Variants in ADCY6 observed in about 807,000 individuals in gnomAD.
ADCY6 encodes adenylate cyclase 6.
A neutral mutation model predicts 111.6 loss-of-function variants in ADCY6; 59 were observed. That is an observed-to-expected ratio of 0.53 (90% confidence interval 0.43 to 0.66). The LOEUF (loss-of-function observed/expected upper bound fraction) is 0.66. ADCY6 is among the 30% of genes least tolerant of loss of function. The pLI, the probability that ADCY6 is intolerant of heterozygous loss-of-function variation, is 0.00. For missense variants in ADCY6, 1,242 were observed against 1,595.6 expected, an observed-to-expected ratio of 0.78 and a Z score of 3.78; for synonymous variants, 576 against 642.9, an observed-to-expected ratio of 0.90 and a Z score of 1.57.
intron 2 of ADCY6, 133 bp from the exon 3 acceptor site, chr12:48,778,390 C>T: frequency 2.9e-6 from 3 of 1,050,056 alleles, no homozygotes; most frequent in Non-Finnish European, 4.2e-6. Context: ...TGTCCCCAAG[C>T]CACTGCCACC....
chr12:48,785,271 A>C (rs1033617461), intron 1 of ADCY6, among the ~76,000 whole-genome samples: 3 of 152,160 alleles, frequency 2.0e-5, no homozygotes, highest in Admixed American at 6.6e-5. Context: ...GAAGGCAAGG[A>C]TTTTGACCTG....
intron 11 of ADCY6, 103 bp from the exon 12 acceptor site, chr12:48,775,157 T>A (rs1941662302): frequency 2.1e-6 from 3 of 1,444,070 alleles, no homozygotes; most frequent in South Asian, 1.2e-5. Flanking sequence ...GGAGATGCAG[T>A]TGGCTCAACT....
intron 20 of ADCY6, among the ~76,000 whole-genome samples, chr12:48,769,638 G>A (rs1941474019): frequency 1.3e-5 from 2 of 149,798 alleles, no homozygotes; most frequent in South Asian, 4.2e-4. Context: ...CCAGGATGGA[G>A]TGCAGTGGCA....
rs1481636715 is a variant in ADCY6 at position 48,774,110 on chromosome 12, G to A, written c.2284-12C>T. 1 of 1,602,192 alleles carries A rather than the reference G, an allele frequency of 6.2e-7. No homozygotes were observed. ...TGGTTACAGGTGAACTGCAAAAGTGGAGGGGTATATCAGGGTAACCAAGGA... is the reference window on the plus strand; with the variant it reads ...TGGTTACAGGTGAACTGCAAAAGTGAAGGGGTATATCAGGGTAACCAAGGA... On this transcript the variant is annotated splice_polypyrimidine_tract_variant and intron_variant, in intron 14 of 21. Transcript: ENST00000357869.
At position 48,771,140 on chromosome 12, in the gene ADCY6, C is replaced by G. The variant is rs916601605; in HGVS notation, c.3052-170G>C. 3.8e-5 allele frequency: 25 copies of G among 663,844 alleles called. No individual in the cohort carries two copies. Among genetic ancestry groups the G allele is most frequent in the African/African-American group, 1.1e-4 (6 of 55,114 alleles). The allele number at this position is 663,844 out of a possible 1,614,324, so 41.1% of individuals were successfully genotyped here. A position where few individuals can be genotyped will look rare whatever the true frequency, so the allele number is the denominator to read the frequency against. Reference sequence around the variant, plus strand: ...ACTGAGGAGCTGGGAAAACAGGCAGCCTAGGACTCCAGGCAGGACTTGGGC... The same window carrying G: ...ACTGAGGAGCTGGGAAAACAGGCAGGCTAGGACTCCAGGCAGGACTTGGGC... On this transcript the variant is annotated intron_variant, in intron 19 of 21. Transcript: ENST00000357869. This position sits in a 1 kb window ranked among gnomAD's most constrained non-coding sequence, Gnocchi z 4.3.
In ADCY6 at chr12:48,773,461, A is replaced by T. The variant is rs749716165; in HGVS notation, c.2621+8T>A. The T allele has an allele frequency of 1.4e-5, 22 of 1,613,010 alleles. No individual in the cohort carries two copies. In the Admixed American group the frequency reaches 3.7e-4, roughly 27 times the overall value. On this transcript the variant is annotated splice_region_variant and intron_variant, in intron 16 of 21. Transcript: ENST00000357869. Reference sequence around the variant, plus strand: ...CTGGGGTATTAAAGGACCTGAGAATAAACTCACAAGCCATGGACGCCAAGC... The same window carrying T: ...CTGGGGTATTAAAGGACCTGAGAATTAACTCACAAGCCATGGACGCCAAGC...
chr12:48,770,280 A>G (rs1407430001), intron 20 of ADCY6, among the ~76,000 whole-genome samples: 1 of 152,152 alleles, frequency 6.6e-6, no homozygotes, highest in Non-Finnish European at 1.5e-5. Context: ...TGAAGCTTAG[A>G]GAAGTTAGAA....
At chr12:48,775,848 C>A in intron 9 of ADCY6, 115 bp downstream of exon 9, 1 of 1,520,696 alleles carries the variant, frequency 6.6e-7, no homozygotes, top group Non-Finnish European at 8.9e-7. Flanking sequence ...CTCACTGCCC[C>A]AATACCAGAA....
In ADCY6 at chr12:48,776,953, G is replaced by A. The variant is rs553555618; in HGVS notation, c.1376+151C>T. 2.2e-4 allele frequency: 282 copies of A among 1,280,792 alleles called. 6 individuals are homozygous for A. In the South Asian group the frequency reaches 3.1e-3, roughly 14 times the overall value. The allele number at this position is 1,280,792 out of a possible 1,614,324, so 79.3% of individuals were successfully genotyped here. A position where few individuals can be genotyped will look rare whatever the true frequency, so the allele number is the denominator to read the frequency against. Reference sequence around the variant, plus strand: ...AGGGGTCCGCATGGGTCTTTGCACAGGTTGGAGAAAGATTCCCCTTCCCAG... The same window carrying A: ...AGGGGTCCGCATGGGTCTTTGCACAAGTTGGAGAAAGATTCCCCTTCCCAG... On this transcript the variant is annotated intron_variant, in intron 6 of 21. Transcript: ENST00000357869. The surrounding 1 kb of genome is among the most constrained non-coding windows in gnomAD (Gnocchi z 6.1).
chr12:48,777,622 T>C lies in ADCY6; in HGVS notation c.1129A>G (p.Asn377Asp). The change falls in exon 4 of 22, where the codon AAT becomes GAT. Residue 377 changes from asparagine (N) to aspartate (D), a missense_variant. Coordinates refer to ENST00000357869, the MANE Select transcript of ADCY6 (RefSeq NM_015270.5). The surrounding 1 kb of genome is among the most constrained non-coding windows in gnomAD (Gnocchi z 4.9). ...CTCCTACCCTCACCCTACCTGACAT[T>C]GTCATGCTTCTGTATGTAGATCTTG... ...FHKIYIQKHD[N>D]VSILFADIEG... The C allele has an allele frequency of 6.8e-6, 11 of 1,613,368 alleles. No individual in the cohort carries two copies. The highest frequency in any genetic ancestry group is 9.3e-6 in the Non-Finnish European group (11 of 1,180,028).
intron 12 of ADCY6, 42 bp from the exon 13 acceptor site, chr12:48,774,820 G>T (rs373134274): frequency 1.3e-6 from 2 of 1,592,432 alleles, no homozygotes; most frequent in Non-Finnish European, 1.7e-6. Context: ...AATTCTGGAA[G>T]ATCTGGGCAT....
intron 1 of ADCY6, among the ~76,000 whole-genome samples, chr12:48,785,659 T>C (rs184991809): frequency 6.7e-4 from 102 of 152,292 alleles, no homozygotes; most frequent in Non-Finnish European, 1.3e-3. Flanking sequence ...ATTGAGTAGA[T>C]GGATGACTGG....
In ADCY6 at chr12:48,767,333, A is replaced by C. The variant is rs1941402869; in HGVS notation, c.*1258T>G. 6.6e-6 allele frequency: 1 copy of C among 151,328 alleles called. No individual in the cohort carries two copies. Among genetic ancestry groups the C allele is most frequent in the Admixed American group, 6.6e-5 (1 of 15,106 alleles). 9.4% of individuals were successfully genotyped at this position (151,328 alleles called of 1,614,324 possible). ...CACTTAGGGATTTGGCACAAAAAGG[A>C]CTCCTCTCCCTCCTTTTGCTACCAC... On this transcript the variant is annotated 3_prime_UTR_variant, in exon 22 of 22. Coordinates refer to ENST00000357869, the MANE Select transcript of ADCY6 (RefSeq NM_015270.5).
chr12:48,782,744 CT>C lies in ADCY6; in HGVS notation c.690del (p.Asp231ThrfsTer42), dbSNP rs1941878473. The C allele has an allele frequency of 6.2e-7, 1 of 1,606,178 alleles. No individual in the cohort carries two copies. The highest frequency in any genetic ancestry group is 8.5e-7 in the Non-Finnish European group (1 of 1,176,330). On this transcript the variant is annotated frameshift_variant, in exon 2 of 22. Coordinates refer to ENST00000357869, the MANE Select transcript of ADCY6 (RefSeq NM_015270.5). LOFTEE classifies it high-confidence loss of function. This position sits in a 1 kb window ranked among gnomAD's most constrained non-coding sequence, Gnocchi z 4.3. ...AGGCCCGCAGAGGGGCTGCGCGGGTCTGCTGCGAGAGCGCCCCCGACCTGCA... is the reference window on the plus strand; with the variant it reads ...AGGCCCGCAGAGGGGCTGCGCGGGTCGCTGCGAGAGCGCCCCCGACCTGCA... ...AAVQVGGALA[A>X]DPRSPSAGLW...
In ADCY6 at chr12:48,775,446, C is replaced by A; in HGVS notation, c.1837G>T (p.Gly613Cys). Reference sequence around the variant, plus strand: ...TCAGGGTTCAGGGCATCTTGGGTGCCCCGGCTGAGGGCAGGAGACATGGTT... The same window carrying A: ...TCAGGGTTCAGGGCATCTTGGGTGCACCGGCTGAGGGCAGGAGACATGGTT... Reference protein sequence around the residue: ...GIDDSSKDNRGTQDALNPEDE... With the variant: ...GIDDSSKDNRCTQDALNPEDE... Residue 613 changes from glycine to cysteine, a missense_variant, in exon 11 of 22, where the codon GGC (glycine) becomes TGC (cysteine). Gly to Cys is a radical substitution (Grantham distance 159). This residue lies in a region of ADCY6 where 375 missense variants were observed against 432.5 expected (regional missense o/e 0.87). Coordinates refer to ENST00000357869, the MANE Select transcript of ADCY6 (RefSeq NM_015270.5). 2 of 1,614,024 alleles carry A rather than the reference C, an allele frequency of 1.2e-6. No individual in the cohort carries two copies. The highest frequency in any genetic ancestry group is 1.7e-6 in the Non-Finnish European group (2 of 1,179,980).
intron 1 of ADCY6, 183 bp from the exon 2 acceptor site, chr12:48,783,621 T>C (rs1419728153): frequency 5.7e-5 from 79 of 1,394,632 alleles, no homozygotes; most frequent in Non-Finnish European, 7.4e-5. Context: ...AATCAACAGG[T>C]GAGAACCCAA....
Position 48,771,582 on chromosome 12 carries a change from C to T in ADCY6, c.3051+128G>A. Reference sequence around the variant, plus strand: ...CTTGCCTCTGCCTCCACTGTGCATACCCTTACCCCTGATGACTCTGGGTCC... The same window carrying T: ...CTTGCCTCTGCCTCCACTGTGCATATCCTTACCCCTGATGACTCTGGGTCC... On this transcript the variant is annotated intron_variant, in intron 19 of 21. Transcript: ENST00000357869. The surrounding 1 kb of genome is among the most constrained non-coding windows in gnomAD (Gnocchi z 4.3). The T allele has an allele frequency of 3.4e-6, 5 of 1,472,652 alleles. No homozygotes were observed. Among genetic ancestry groups the T allele is most frequent in the Non-Finnish European group, 4.7e-6 (5 of 1,066,524 alleles). The allele number at this position is 1,472,652 out of a possible 1,614,324, so 91.2% of individuals were successfully genotyped here. A position where few individuals can be genotyped will look rare whatever the true frequency, so the allele number is the denominator to read the frequency against.
At chr12:48,775,746 T>C in intron 9 of ADCY6, 48 bp from the exon 10 acceptor site, 1 of 1,596,420 alleles carries the variant, frequency 6.3e-7, no homozygotes, top group Non-Finnish European at 8.6e-7. Flanking sequence ...CCAACAACCT[T>C]CATCTCTGCA....
intron 21 of ADCY6, 97 bp from the exon 22 acceptor site, chr12:48,768,813 C>A: frequency 6.4e-7 from 1 of 1,557,478 alleles, no homozygotes; most frequent in Non-Finnish European, 8.7e-7. Flanking sequence ...TCCCTTCCCC[C>A]AGTCCCTGCC....
Sources: gnomAD v4.1 joint callset for allele counts (sites outside exome capture counted in the v4.1 genomes callset) on GRCh38, gnomAD v4.1.1 for gene constraint, gnomAD v4.1.1 regional missense constraint, Gnocchi (gnomAD v3.1) non-coding constraint, MANE v1.5 for transcripts, NCBI Gene and HGNC (gene_info 2026-07-23, HGNC 2026-07-21) for gene names.